RSPH10B: variants seen among roughly 807,000 people sequenced by gnomAD.
RSPH10B encodes radial spoke head 10 homolog B (Chlamydomonas).
A neutral mutation model predicts 52.5 loss-of-function variants in RSPH10B; 7 were observed. That is an observed-to-expected ratio of 0.13 (90% CI 0.08 to 0.25). The LOEUF is 0.25. Ranked by LOEUF, RSPH10B falls within the 10% of genes least tolerant of loss-of-function variation. The pLI is 1.00. For synonymous variants in RSPH10B, 28 were observed against 193.2 expected, an observed-to-expected ratio of 0.14 and a Z score of 7.09; for missense variants, 89 against 542.5, an observed-to-expected ratio of 0.16 and a Z score of 8.30.
chr7:5,927,549 C>T (rs1220814743), intron 18 of RSPH10B, among the ~76,000 whole-genome samples: 1 of 127,952 alleles, frequency 7.8e-6, no homozygotes, highest in Non-Finnish European at 1.6e-5. Context: ...CCAGCTCCAG[C>T]GAGAAGCTAT....
intron 16 of RSPH10B, among the ~76,000 whole-genome samples, chr7:5,933,568 G>A (rs1779879925): frequency 7.2e-6 from 1 of 138,270 alleles, no homozygotes; most frequent in Non-Finnish European, 1.6e-5. Context: ...GACCATCCTG[G>A]CTAACATGGG....
chr7:5,927,050 A>ATGTG (rs755187713), intron 18 of RSPH10B, among the ~76,000 whole-genome samples: 55 of 56,126 alleles, frequency 9.8e-4, no homozygotes, highest in South Asian at 5.5e-3. Context: ...TGTGTGTATT[A>ATGTG]TGTGTGTGTG....
chr7:5,926,915 C>T (rs1389354414), intron 18 of RSPH10B, among the ~76,000 whole-genome samples: 5 of 144,216 alleles, frequency 3.5e-5, no homozygotes, highest in East Asian at 2.1e-4. Context: ...CTACCACGCC[C>T]GGCTAATATT....
At chr7:5,941,555 T>C (rs1780186636) in intron 13 of RSPH10B, among the ~76,000 whole-genome samples, 1 of 149,690 alleles carries the variant, frequency 6.7e-6, no homozygotes, top group African/African-American at 2.4e-5. Flanking sequence ...TCATCCTTGC[T>C]AACATAGTGA....
intron 18 of RSPH10B, among the ~76,000 whole-genome samples, chr7:5,927,048 TTATGTGTGTGTGTGTGTGTA>T (rs1261008203): frequency 5.6e-5 from 4 of 70,838 alleles, no homozygotes; most frequent in Non-Finnish European, 1.1e-4. Context: ...TGTGTGTGTA[TTATGTGTGTGTGTGTGTGTA>T]TATGTGTGTG....
chr7:5,928,679 T>C, intron 17 of RSPH10B, among the ~76,000 whole-genome samples: 1 of 147,582 alleles, frequency 6.8e-6, no homozygotes, highest in Non-Finnish European at 1.5e-5. Context: ...TCACCCAGGC[T>C]GGAGTGCAGT....
intron 18 of RSPH10B, among the ~76,000 whole-genome samples, chr7:5,927,045 G>GTGTGTGTGTGTGTGTA (rs71762251): frequency 0.044 from 5,351 of 121,322 alleles, 23 homozygotes; most frequent in Middle Eastern, 0.083. Context: ...GTGTGTGTGT[G>GTGTGTGTGTGTGTGTA]TATTATGTGT....
At chr7:5,966,273 T>A (rs1183367070) in intron 1 of RSPH10B, among the ~76,000 whole-genome samples, 1 of 78,982 alleles carries the variant, frequency 1.3e-5, no homozygotes, top group Non-Finnish European at 2.6e-5. Flanking sequence ...ACTATGAACG[T>A]ACTTAATGCC....
chr7:5,927,070 A>ATGTGTGTGTGTG (rs748036363), intron 18 of RSPH10B, among the ~76,000 whole-genome samples: 36 of 110,606 alleles, frequency 3.3e-4, no homozygotes, highest in Non-Finnish European at 4.6e-4. Context: ...GTGTGTGTAT[A>ATGTGTGTGTGTG]TGTGTGTGTG....
intron 11 of RSPH10B, among the ~76,000 whole-genome samples, chr7:5,944,558 C>T (rs1780390923): frequency 6.8e-6 from 1 of 148,110 alleles, no homozygotes; most frequent in Non-Finnish European, 1.5e-5. Flanking sequence ...TTGAACTGAC[C>T]AGATATGAAG....
At position 5,928,828 on chromosome 7, in the gene RSPH10B, G is replaced by A. The variant is rs1003036034; in HGVS notation, c.2234-434C>T. 1.0e-4 allele frequency among the ~76,000 whole-genome samples: 15 copies of A among 149,772 alleles called. 1 individual carries two copies. The highest frequency in any genetic ancestry group is 3.7e-4 in the African/African-American group (15 of 40,250). On this transcript the variant is annotated intron_variant, in intron 17 of 18. Transcript: ENST00000337579. ...TTTAGTAGAGATGAGGTTTCACCAT[G>A]TTGGCCAGGCTGGTCTCGAACTCTT... is the stretch of plus-strand genomic sequence containing the variant.
At chr7:5,944,730 AGGTG>A (rs1780400727) in intron 11 of RSPH10B, among the ~76,000 whole-genome samples, 1 of 146,608 alleles carries the variant, frequency 6.8e-6, no homozygotes, top group Non-Finnish European at 1.5e-5. Context: ...AGGCTGAGGC[AGGTG>A]GATCACCTGA....
At chr7:5,944,334 GT>G (rs1489791770) in intron 11 of RSPH10B, among the ~76,000 whole-genome samples, 3 of 150,786 alleles carry the variant, frequency 2.0e-5, no homozygotes, top group Non-Finnish European at 4.4e-5. Context: ...GGAGGTGGAG[GT>G]TGCAGTGAGC....
upstream of RSPH10B, among the ~76,000 whole-genome samples, chr7:5,968,494 G>GGTTT (rs1317442022): frequency 5.3e-5 from 5 of 94,652 alleles, no homozygotes; most frequent in East Asian, 1.0e-3. Context: ...CAGTTCTATG[G>GGTTT]GTTTGTTTAT....
At chr7:5,968,213 AC>A (rs1438941335), upstream of RSPH10B, among the ~76,000 whole-genome samples, 5 of 150,344 alleles carry the variant, frequency 3.3e-5, no homozygotes, top group South Asian at 2.1e-4. Context: ...ACACTGTGAA[AC>A]CCCGTCTCTA....
rs1445858388 is a variant in RSPH10B at position 5,941,033 on chromosome 7, G to A, written c.1759-2204C>T. Among the ~76,000 whole-genome samples, 4 of 74,652 alleles carry A rather than the reference G, an allele frequency of 5.4e-5. 1 individual carries two copies. Among genetic ancestry groups the A allele is most frequent in the African/African-American group, 1.8e-4 (4 of 22,588 alleles). 49.0% of individuals were successfully genotyped at this position (74,652 alleles called of 152,430 possible). On this transcript the variant is annotated intron_variant, in intron 13 of 18. Coordinates refer to ENST00000337579, the Ensembl canonical transcript of RSPH10B. ...AACCATGAAAAGGGCCAGGTGCAGTGGCTCACGCCTGTAATCCCAGCACTT... is the reference window on the plus strand; with the variant it reads ...AACCATGAAAAGGGCCAGGTGCAGTAGCTCACGCCTGTAATCCCAGCACTT...
chr7:5,927,076 G>GTATATATATATA (rs1383646838), intron 18 of RSPH10B, among the ~76,000 whole-genome samples: 2,251 of 125,764 alleles, frequency 0.018, no homozygotes, highest in South Asian at 0.037. Flanking sequence ...GTATATGTGT[G>GTATATATATATA]TGTGTGTGTG....
At chr7:5,931,782 C>A (rs1187782539) in intron 17 of RSPH10B, among the ~76,000 whole-genome samples, 1 of 151,110 alleles carries the variant, frequency 6.6e-6, no homozygotes, top group Non-Finnish European at 1.5e-5. Context: ...AGGCAGATCA[C>A]CTGAGGTCAG....
At chr7:5,928,467 C>T (rs1162117252) in intron 17 of RSPH10B, 73 bp from the exon 20 acceptor site, 14 of 1,572,762 alleles carry the variant, frequency 8.9e-6, no homozygotes, top group East Asian at 2.2e-5. Context: ...TGCTTTTTCT[C>T]GTTCTAGCCT....
Sources: gnomAD v4.1 joint callset for allele counts (sites outside exome capture counted in the v4.1 genomes callset) on GRCh38, gnomAD v4.1.1 for gene constraint, MANE v1.5 for transcripts, NCBI Gene and HGNC (gene_info 2026-07-23, HGNC 2026-07-21) for gene names.